Variants in LRRC7 observed in about 807,000 individuals in gnomAD.
LRRC7 encodes the protein leucine-rich repeat-containing protein 7.
Under a neutral mutation model 175.7 loss-of-function variants are expected in LRRC7, and 23 were observed. The observed-to-expected ratio is 0.13, with a 90% confidence interval of 0.09 to 0.19. LRRC7 has a LOEUF of 0.19. Ranked by LOEUF, LRRC7 falls within the 10% of genes least tolerant of loss-of-function variation. The pLI, the probability that LRRC7 is intolerant of heterozygous loss-of-function variation, is 1.00. For synonymous variants in LRRC7, 685 were observed against 680.9 expected (o/e 1.01, Z -0.09); for missense variants, 1,354 against 1,904.7 (o/e 0.71, Z 5.38).
In LRRC7 at chr1:70,011,778, A is replaced by C; in HGVS notation, c.1005-19A>C. The C allele has an allele frequency of 1.3e-6, 2 of 1,516,386 alleles. No homozygotes were observed. Among genetic ancestry groups the C allele is most frequent in the Non-Finnish European group, 1.8e-6 (2 of 1,097,058 alleles). The allele number at this position is 1,516,386 out of a possible 1,614,324, so 93.9% of individuals were successfully genotyped here. A position where few individuals can be genotyped will look rare whatever the true frequency, so the allele number is the denominator to read the frequency against. Reference sequence around the variant, plus strand: ...TATCTAACTTTTAAAATGTCTAACTAATGTATTTAACTTTTCAGTTTATCT... The same window carrying C: ...TATCTAACTTTTAAAATGTCTAACTCATGTATTTAACTTTTCAGTTTATCT... On this transcript the variant is annotated intron_variant, in intron 11 of 26. Transcript: ENST00000651989.
At chr1:70,083,014 G>T (rs1663341330) in intron 24 of LRRC7, among the ~76,000 whole-genome samples, 1 of 151,360 alleles carries the variant, frequency 6.6e-6, no homozygotes, top group South Asian at 2.1e-4. Flanking sequence ...CGAACTCCTG[G>T]GCTCAAGTGA....
intron 5 of LRRC7, among the ~76,000 whole-genome samples, chr1:69,829,097 C>CTGA (rs1680252817): frequency 6.6e-6 from 1 of 151,816 alleles, no homozygotes; most frequent in South Asian, 2.1e-4. Flanking sequence ...CTTTGATTTG[C>CTGA]TGATTCTTAC....
At chr1:69,881,267 G>T (rs904723015) in intron 7 of LRRC7, among the ~76,000 whole-genome samples, 1 of 152,170 alleles carries the variant, frequency 6.6e-6, no homozygotes, top group Non-Finnish European at 1.5e-5. Flanking sequence ...CTGAGTGTCA[G>T]AAGTACTATT....
intron 2 of LRRC7, among the ~76,000 whole-genome samples, chr1:69,706,106 TAA>T (rs1664005711): frequency 6.6e-6 from 1 of 152,160 alleles, no homozygotes; most frequent in African/African-American, 2.4e-5. Flanking sequence ...ATATTCAAGT[TAA>T]TGGCCTTGTC....
intron 2 of LRRC7, among the ~76,000 whole-genome samples, chr1:69,713,314 G>A (rs969835059): frequency 1.2e-4 from 17 of 147,524 alleles, no homozygotes; most frequent in African/African-American, 3.9e-4. Flanking sequence ...AGTGAGACTT[G>A]GTCTCTCAAA....
intron 22 of LRRC7, among the ~76,000 whole-genome samples, chr1:70,045,956 ATT>A (rs1460023540): frequency 1.3e-4 from 20 of 152,232 alleles, no homozygotes; most frequent in Non-Finnish European, 1.2e-4. Flanking sequence ...ACACATATGG[ATT>A]ATTACAATTC....
intron 8 of LRRC7, among the ~76,000 whole-genome samples, chr1:69,936,677 C>A (rs994972796): frequency 6.6e-6 from 1 of 152,052 alleles, no homozygotes; most frequent in Admixed American, 6.6e-5. Context: ...AGGTAGTGAG[C>A]GTAGTACCTG....
intron 3 of LRRC7, among the ~76,000 whole-genome samples, chr1:69,772,797 A>G (rs1672382725): frequency 6.6e-6 from 1 of 152,198 alleles, no homozygotes; most frequent in Admixed American, 6.5e-5. Flanking sequence ...TGCTATTGAT[A>G]GAGGAGGAAA....
Position 69,772,348 on chromosome 1 carries a change from GGAA to G in LRRC7, c.303+11960_303+11962del, listed in dbSNP as rs542479937. 1.6e-3 allele frequency among the ~76,000 whole-genome samples: 239 copies of G among 152,176 alleles called. 1 individual carries two copies. The highest frequency in any genetic ancestry group is 0.013 in the Admixed American group (197 of 15,280). On this transcript the variant is annotated intron_variant, in intron 3 of 26. Coordinates refer to ENST00000651989, the MANE Select transcript of LRRC7 (RefSeq NM_001370785.2). ...AGGAGTGTGGCATATTTACAGGACA[GGAA>G]GAAGGAGGGTGTGTAAAGAATGAAG...
chr1:69,616,750 T>C (rs1273508644), intron 1 of LRRC7, among the ~76,000 whole-genome samples: 1 of 152,054 alleles, frequency 6.6e-6, no homozygotes, highest in African/African-American at 2.4e-5. Flanking sequence ...GCTAGGCCTC[T>C]AGAGAAATGA....
chr1:69,620,874 A>G (rs902569554), intron 1 of LRRC7, among the ~76,000 whole-genome samples: 1 of 152,144 alleles, frequency 6.6e-6, no homozygotes, highest in African/African-American at 2.4e-5. Flanking sequence ...TTAAAGTAAT[A>G]CTCACAAATA....
intron 2 of LRRC7, among the ~76,000 whole-genome samples, chr1:69,742,473 T>A (rs999466154): frequency 6.6e-6 from 1 of 151,912 alleles, no homozygotes; most frequent in African/African-American, 2.4e-5. Context: ...TTGGGTGTGT[T>A]TAGCATCTTT....
intron 10 of LRRC7, among the ~76,000 whole-genome samples, chr1:69,994,245 C>G (rs748352107): frequency 2.2e-4 from 34 of 152,238 alleles, no homozygotes; most frequent in Admixed American, 1.6e-3. Flanking sequence ...AAAATTTCAA[C>G]TGGTCCATTT....
chr1:70,143,338 A>T lies in LRRC7; in HGVS notation c.*21451A>T, dbSNP rs1159323680. The T allele has an allele frequency of 6.6e-6, 1 of 152,114 alleles. No homozygotes were observed. The highest frequency in any genetic ancestry group is 1.5e-5 in the Non-Finnish European group (1 of 68,018). 9.4% of individuals were successfully genotyped at this position (152,114 alleles called of 1,614,324 possible). A position where few individuals can be genotyped will look rare whatever the true frequency, so the allele number is the denominator to read the frequency against. On this transcript the variant is annotated 3_prime_UTR_variant, in exon 27 of 27. Transcript: ENST00000651989. ...GATCTGATTTCAAAGAAATCCCATT[A>T]TATTATCAAGTCGTTTTCAAATTTA...
intron 8 of LRRC7, among the ~76,000 whole-genome samples, chr1:69,980,114 G>GT (rs1381019282): frequency 1.4e-4 from 21 of 152,146 alleles, no homozygotes; most frequent in African/African-American, 5.1e-4. Flanking sequence ...AAGAATAATT[G>GT]TAAGGTATTC....
At chr1:69,953,326 C>A (rs888636742) in intron 8 of LRRC7, among the ~76,000 whole-genome samples, 7 of 152,064 alleles carry the variant, frequency 4.6e-5, no homozygotes, top group Non-Finnish European at 8.8e-5. Context: ...CCTCAAGGAA[C>A]AACTCAAATA....
At chr1:69,882,460 T>G (rs996250100) in intron 7 of LRRC7, among the ~76,000 whole-genome samples, 14 of 152,152 alleles carry the variant, frequency 9.2e-5, no homozygotes, top group Admixed American at 9.2e-4. Flanking sequence ...ACAACGTAAA[T>G]GCCTATTGAC....
intron 8 of LRRC7, among the ~76,000 whole-genome samples, chr1:69,945,935 T>C (rs1356193770): frequency 6.6e-6 from 1 of 152,144 alleles, no homozygotes; most frequent in African/African-American, 2.4e-5. Context: ...GCAGAGACAT[T>C]TTACATCTCT....
intron 1 of LRRC7, among the ~76,000 whole-genome samples, chr1:69,629,736 C>A (rs1377534098): frequency 6.6e-6 from 1 of 152,140 alleles, no homozygotes; most frequent in Non-Finnish European, 1.5e-5. Flanking sequence ...CTTTCCCTCT[C>A]TCTCTGCCTA....
Sources: gnomAD v4.1 joint callset for allele counts (sites outside exome capture counted in the v4.1 genomes callset) on GRCh38, gnomAD v4.1.1 for gene constraint, MANE v1.5 for transcripts, NCBI Gene and HGNC (gene_info 2026-07-23, HGNC 2026-07-21) for gene names.